The following CAPRIN1 variants were observed in gnomAD, a reference collection of about 807,000 sequenced individuals.
CAPRIN1 encodes the protein cell cycle associated protein 1.
CAPRIN1 carries 29 observed loss-of-function variants against 100.9 expected under a neutral mutation model. That is an observed-to-expected ratio of 0.29 (90% CI 0.21 to 0.39). CAPRIN1 has a LOEUF of 0.39. Ranked by LOEUF, CAPRIN1 falls within the 10% of genes least tolerant of loss-of-function variation. The probability of loss-of-function intolerance (pLI) is 1.00; values close to 1 mark genes in which losing one functional copy is unlikely to be tolerated. For synonymous variants in CAPRIN1, 338 were observed against 307.5 expected (o/e 1.10, Z -1.04); for missense variants, 795 against 876.7 (o/e 0.91, Z 1.18).
Position 34,074,574 on chromosome 11 carries a change from C to T in CAPRIN1, c.367-1662C>T, listed in dbSNP as rs16925117. Among the ~76,000 whole-genome samples, 591 of 152,226 alleles carry T rather than the reference C, an allele frequency of 3.9e-3. 3 individuals are homozygous for T. Among genetic ancestry groups the T allele is most frequent in the African/African-American group, 0.013 (553 of 41,534 alleles). On this transcript the variant is annotated intron_variant, in intron 4 of 18. Transcript: ENST00000341394. ...CTGTCCCTCTTCCTGTGTTTCCTGC[C>T]TCCACCTACCTATAAAGACCTTCCT...
intron 2 of CAPRIN1, chr11:34,053,517 A>C (rs909745321): frequency 6.6e-6 from 1 of 151,872 alleles, no homozygotes; most frequent in East Asian, 1.9e-4. Context: ...CTGGAGCTGC[A>C]TTGTGAGCAC....
At position 34,101,411 on chromosome 11, in the gene CAPRIN1, A is replaced by G. The variant is rs1851452028; in HGVS notation, c.*2044A>G. On this transcript the variant is annotated 3_prime_UTR_variant, in exon 19 of 19. Coordinates refer to ENST00000341394, the MANE Select transcript of CAPRIN1 (RefSeq NM_005898.5). The stretch of plus-strand genomic sequence containing the variant: ...TCTGTGTAGAAAATAATTTCATGAC[A>G]TTTACAATCAGGACTGAAGTAAGTT... 6.6e-6 allele frequency among the ~76,000 whole-genome samples: 1 copy of G among 152,162 alleles called. No homozygotes were observed. The highest frequency in any genetic ancestry group is 1.5e-5 in the Non-Finnish European group (1 of 68,018).
intron 7 of CAPRIN1, 150 bp from the exon 8 acceptor site, chr11:34,082,675 A>G (rs1851056762): frequency 1.4e-5 from 9 of 628,662 alleles, no homozygotes; most frequent in South Asian, 1.4e-4. Flanking sequence ...CCCAAAGTCC[A>G]TAGTTTACAT....
intron 2 of CAPRIN1, among the ~76,000 whole-genome samples, chr11:34,058,449 T>C (rs1483649426): frequency 6.6e-6 from 1 of 152,184 alleles, no homozygotes; most frequent in Non-Finnish European, 1.5e-5. Context: ...TTAAATAATG[T>C]TTTATGGGAG....
intron 6 of CAPRIN1, 105 bp from the exon 7 acceptor site, chr11:34,079,523 G>A (rs998246723): frequency 1.2e-6 from 1 of 864,302 alleles, no homozygotes; most frequent in Non-Finnish European, 1.8e-6. Flanking sequence ...ATGTGTTTTA[G>A]TAACAGTTAT....
chr11:34,094,352 G>A (rs1175973642), intron 15 of CAPRIN1, among the ~76,000 whole-genome samples: 1 of 151,884 alleles, frequency 6.6e-6, no homozygotes, highest in South Asian at 2.1e-4. Flanking sequence ...CACCATTCCC[G>A]GCCTGATATT....
At chr11:34,052,698 C>T (rs1050334006) in intron 2 of CAPRIN1, 62 bp downstream of exon 2, 4 of 1,511,860 alleles carry the variant, frequency 2.6e-6, no homozygotes, top group Non-Finnish European at 3.6e-6. Context: ...CCCCTCCGAC[C>T]CTGGTCGCTG....
intron 2 of CAPRIN1, among the ~76,000 whole-genome samples, chr11:34,066,930 C>T (rs1419178498): frequency 1.6e-5 from 2 of 127,334 alleles, no homozygotes; most frequent in Non-Finnish European, 3.4e-5. Flanking sequence ...TCACACCCAG[C>T]ATTTTTTTTT....
At chr11:34,079,534 T>C (rs1850969450) in intron 6 of CAPRIN1, 94 bp from the exon 7 acceptor site, 1 of 1,033,450 alleles carries the variant, frequency 9.7e-7, no homozygotes, top group African/African-American at 1.6e-5. Flanking sequence ...TAACAGTTAT[T>C]TTTTAATCAC....
chr11:34,079,882 A>G (rs1850978653), intron 7 of CAPRIN1, 117 bp downstream of exon 7: 1 of 906,236 alleles, frequency 1.1e-6, no homozygotes, highest in Non-Finnish European at 1.6e-6. Context: ...TTTTATTTTT[A>G]AAGAGACTTT....
chr11:34,088,035 A>T (rs758023034), intron 11 of CAPRIN1, among the ~76,000 whole-genome samples: 1 of 152,046 alleles, frequency 6.6e-6, no homozygotes, highest in African/African-American at 2.4e-5. Context: ...GTCTCGCTCT[A>T]TCGCCAGGCT....
In CAPRIN1 at chr11:34,052,435, C is replaced by T. The variant is rs907648074; in HGVS notation, c.15C>T (p.Thr5=). ...GCGGTCTGAAGATGCCCTCGGCCACCAGCCACAGCGGGAGCGGCAGCAAGT... is the reference window on the plus strand; with the variant it reads ...GCGGTCTGAAGATGCCCTCGGCCACTAGCCACAGCGGGAGCGGCAGCAAGT... MPSA[T]SHSGSGSKSS... Residue 5 remains threonine (T), a synonymous_variant, in exon 2 of 19, where the codon ACC becomes ACT. Coordinates refer to ENST00000341394, the MANE Select transcript of CAPRIN1 (RefSeq NM_005898.5). 6.2e-7 allele frequency: 1 copy of T among 1,607,630 alleles called. No homozygotes were observed. Among genetic ancestry groups the T allele is most frequent in the Non-Finnish European group, 8.5e-7 (1 of 1,178,874 alleles).
At chr11:34,086,270 T>C (rs926290633) in intron 10 of CAPRIN1, 35 bp from the exon 11 acceptor site, 6 of 1,607,906 alleles carry the variant, frequency 3.7e-6, no homozygotes, top group Admixed American at 1.7e-5. Context: ...GTGTTTATAT[T>C]ATTTGACTTT....
intron 2 of CAPRIN1, among the ~76,000 whole-genome samples, chr11:34,054,239 C>G (rs1414168781): frequency 6.6e-6 from 1 of 151,722 alleles, no homozygotes; most frequent in Non-Finnish European, 1.5e-5. Flanking sequence ...TTTTCCCAAT[C>G]CTTTATTTTG....
rs190180465 is a variant in CAPRIN1 at position 34,067,563 on chromosome 11, C to T, written c.217-4163C>T. Among the ~76,000 whole-genome samples, 37 of 151,954 alleles carry T rather than the reference C, an allele frequency of 2.4e-4. No homozygotes were observed. The East Asian group carries it at 7.0e-3, about 29-fold the overall frequency. Reference sequence around the variant, plus strand: ...TCACCCAGGCTGGAGAGCAGTCGTGCACATCACGACTTCCGACTTGTGGTC... The same window carrying T: ...TCACCCAGGCTGGAGAGCAGTCGTGTACATCACGACTTCCGACTTGTGGTC... On this transcript the variant is annotated intron_variant, in intron 2 of 18. Transcript: ENST00000341394.
At chr11:34,092,092 T>G in intron 15 of CAPRIN1, 36 bp downstream of exon 15, 2 of 1,604,540 alleles carry the variant, frequency 1.2e-6, no homozygotes, top group South Asian at 1.1e-5. Flanking sequence ...GGCTCCTTGC[T>G]TTCCAGCACA....
intron 17 of CAPRIN1, 135 bp from the exon 18 acceptor site, chr11:34,097,563 G>A (rs1316365969): frequency 2.3e-6 from 2 of 885,172 alleles, no homozygotes; most frequent in Middle Eastern, 2.6e-4. Flanking sequence ...AGAACAAGGT[G>A]TAGCTGTGAT....
chr11:34,065,172 C>T (rs1175241637), intron 2 of CAPRIN1, among the ~76,000 whole-genome samples: 2 of 151,884 alleles, frequency 1.3e-5, no homozygotes, highest in South Asian at 2.1e-4. Flanking sequence ...CCTTGTTAGC[C>T]AGGATGGTCT....
chr11:34,078,716 A>G (rs900857653), intron 6 of CAPRIN1, among the ~76,000 whole-genome samples: 6 of 152,188 alleles, frequency 3.9e-5, no homozygotes, highest in African/African-American at 7.2e-5. Context: ...TTTTAGCCAC[A>G]GTGGCTTCCT....
Sources: allele counts gnomAD v4.1 joint callset (sites outside exome capture counted in the v4.1 genomes callset), GRCh38; gene constraint gnomAD v4.1.1; transcripts MANE v1.5; gene names NCBI Gene and HGNC (gene_info 2026-07-23, HGNC 2026-07-21).